The following AHNAK variants were observed in gnomAD, a reference collection of about 807,000 sequenced individuals.
AHNAK encodes AHNAK nucleoprotein, also known as neuroblast differentiation-associated protein AHNAK.
In AHNAK, 23 loss-of-function variants were observed where a neutral mutation model predicts 37.8. The observed-to-expected ratio is 0.61, with a 90% CI of 0.44 to 0.86. The LOEUF (loss-of-function observed/expected upper bound fraction) is 0.86, where lower values mean the gene tolerates loss of function less well. Ranked by LOEUF, AHNAK falls within the 40% of genes least tolerant of loss-of-function variation. The pLI is 0.00. For missense variants in AHNAK, 7,411 were observed against 7,319.4 expected (o/e 1.01, Z -0.46); for synonymous variants, 2,481 against 2,636.3 (o/e 0.94, Z 1.80).
At chr11:62,450,791 T>C (rs1938520910) in intron 5 of AHNAK, among the ~76,000 whole-genome samples, 1 of 152,266 alleles carries the variant, frequency 6.6e-6, no homozygotes, top group South Asian at 2.1e-4. Context: ...GGGACGCCTC[T>C]CTCGCCTTTG....
chr11:62,533,132 G>A lies in AHNAK; in HGVS notation c.1285C>T (p.Leu429=). 6.4e-7 allele frequency: 1 copy of A among 1,562,674 alleles called. No homozygotes were observed. The highest frequency in any genetic ancestry group is 8.6e-7 in the Non-Finnish European group (1 of 1,159,136). The change falls in exon 5 of 5, where the codon CTG becomes TTG. Residue 429 remains leucine, a synonymous_variant. Coordinates refer to ENST00000378024, the MANE Select transcript of AHNAK (RefSeq NM_001620.3). Reference sequence around the variant, plus strand: ...GGGACTTTCATCTTGGGCACATTCAGTTTGCTCCCAGGCCCCTGAACATCA... The same window carrying A: ...GGGACTTTCATCTTGGGCACATTCAATTTGCTCCCAGGCCCCTGAACATCA... ...DIDVQGPGSK[L]NVPKMKVPKF...
chr11:62,455,932 G>A (rs1324884130), intron 5 of AHNAK, among the ~76,000 whole-genome samples: 5 of 147,266 alleles, frequency 3.4e-5, no homozygotes, highest in African/African-American at 1.3e-4. Context: ...CCAGCTACTT[G>A]AGAGGCTGAG....
intron 5 of AHNAK, among the ~76,000 whole-genome samples, chr11:62,484,916 G>C (rs963653477): frequency 1.3e-5 from 2 of 151,988 alleles, no homozygotes; most frequent in Non-Finnish European, 2.9e-5. Flanking sequence ...CAGCCTCCAG[G>C]GTAGCTGGGA....
intron 1 of AHNAK, among the ~76,000 whole-genome samples, chr11:62,541,279 C>T (rs1036389550): frequency 1.3e-5 from 2 of 152,192 alleles, no homozygotes; most frequent in African/African-American, 4.8e-5. Flanking sequence ...GGCAACCCTC[C>T]GAGGGGAAGA....
rs776317596 is a variant in AHNAK at position 62,529,471 on chromosome 11, T to G, written c.4946A>C (p.Lys1649Thr). The G allele has an allele frequency of 8.1e-6, 13 of 1,614,058 alleles. No homozygotes were observed. In the African/African-American group the frequency reaches 1.6e-4, roughly 20 times the overall value. Residue 1649 changes from lysine to threonine, a missense_variant, in exon 5 of 5, where the codon AAG becomes ACG. By Grantham distance (78) the Lys-to-Thr change is moderately conservative. Transcript: ENST00000378024. ...PKFKMPEMHF[K>T]APKISMPDVD... ...ATCGGGCATGGAGATCTTGGGGGCC[T>G]TGAAATGCATCTCAGGCATCTTAAA...
In AHNAK at chr11:62,523,461, T is replaced by C. The variant is rs752863584; in HGVS notation, c.10956A>G (p.Ala3652=). 1.2e-5 allele frequency: 19 copies of C among 1,613,186 alleles called. No homozygotes were observed. The highest frequency in any genetic ancestry group is 1.4e-5 in the Non-Finnish European group (17 of 1,179,828). The change falls in exon 5 of 5, where the codon GCA becomes GCG. Residue 3652 remains alanine, a synonymous_variant. Coordinates refer to ENST00000378024, the MANE Select transcript of AHNAK (RefSeq NM_001620.3). ...TCTTGAACTTGGGGCCCTTCAGCTT[T>C]GCATCTGGACCTTCAATATTCACGT... ...VPDVNIEGPD[A]KLKGPKFKMP... is the part of the protein sequence containing the mutation.
intron 5 of AHNAK, among the ~76,000 whole-genome samples, chr11:62,470,809 G>GA (rs750419930): frequency 3.1e-4 from 45 of 144,034 alleles, no homozygotes; most frequent in Admixed American, 2.8e-4. Flanking sequence ...TTCTTTCAGG[G>GA]AAAAAAAAAA....
intron 4 of AHNAK, among the ~76,000 whole-genome samples, chr11:62,510,135 G>A (rs1043401055): frequency 6.6e-6 from 1 of 150,644 alleles, no homozygotes; most frequent in Non-Finnish European, 1.5e-5. Flanking sequence ...TCAGCTCACT[G>A]CAACCTCCAC....
intron 5 of AHNAK, among the ~76,000 whole-genome samples, chr11:62,472,817 T>G (rs796702511): frequency 1.2e-4 from 18 of 152,248 alleles, no homozygotes; most frequent in African/African-American, 3.4e-4. Flanking sequence ...CTAGGTGCAG[T>G]GACTCATGCC....
intron 5 of AHNAK, among the ~76,000 whole-genome samples, chr11:62,445,320 C>T (rs1361026319): frequency 6.6e-6 from 1 of 152,114 alleles, no homozygotes; most frequent in African/African-American, 2.4e-5. Context: ...TCATTTTAAC[C>T]TAATGTTATG....
rs1410009839 is a variant in AHNAK, at chr11:62,529,023, C to T, written c.5394G>A (p.Glu1798=). ...LNLKGPKLKG[E]IDASVPELEG... is the part of the protein sequence containing the mutation. Reference sequence around the variant, plus strand: ...CCAGTTCTGGCACAGAAGCATCTATCTCTCCCTTCAGTTTGGGTCCCTTCA... The same window carrying T: ...CCAGTTCTGGCACAGAAGCATCTATTTCTCCCTTCAGTTTGGGTCCCTTCA... Residue 1798 remains glutamate (E), a synonymous_variant, in exon 5 of 5, where the codon GAG becomes GAA. Transcript: ENST00000378024. The T allele has an allele frequency of 6.2e-7, 1 of 1,614,094 alleles. No homozygotes were observed. Among genetic ancestry groups the T allele is most frequent in the East Asian group, 2.2e-5 (1 of 44,864 alleles).
downstream of AHNAK, among the ~76,000 whole-genome samples, chr11:62,511,833 C>A (rs550256092): frequency 6.6e-6 from 1 of 151,950 alleles, no homozygotes; most frequent in East Asian, 1.9e-4. Context: ...GGACTACAGG[C>A]GAGTGCCACA....
At chr11:62,469,435 TTAAC>T (rs1227559957) in intron 5 of AHNAK, among the ~76,000 whole-genome samples, 1 of 151,704 alleles carries the variant, frequency 6.6e-6, no homozygotes, top group Non-Finnish European at 1.5e-5. Context: ...ATTAGGATCT[TTAAC>T]TAACTAAACA....
chr11:62,542,836 C>A (rs575521447), intron 1 of AHNAK, among the ~76,000 whole-genome samples: 5 of 152,332 alleles, frequency 3.3e-5, no homozygotes, highest in African/African-American at 1.2e-4. Flanking sequence ...GGGGGTGGAG[C>A]AGAACGCTTG....
chr11:62,509,616 A>C (rs561591901), intron 4 of AHNAK, among the ~76,000 whole-genome samples: 1 of 152,156 alleles, frequency 6.6e-6, no homozygotes, highest in South Asian at 2.1e-4. Flanking sequence ...TCAACAATTG[A>C]ACCCCAAAGA....
Position 62,527,516 on chromosome 11 carries a change from T to C in AHNAK, c.6901A>G (p.Lys2301Glu). ...PEGKLKGPKF[K>E]MPEMHFKTPK... The stretch of plus-strand genomic sequence containing the variant: ...GTCTTGAAGTGCATCTCAGGCATCT[T>C]AAACTTGGGGCCCTTCAGCTTCCCT... Residue 2301 changes from lysine to glutamate, a missense_variant, in exon 5 of 5, where the codon AAG becomes GAG. Coordinates refer to ENST00000378024, the MANE Select transcript of AHNAK (RefSeq NM_001620.3). 1.2e-6 allele frequency: 2 copies of C among 1,613,348 alleles called. No individual in the cohort carries two copies. Among genetic ancestry groups the C allele is most frequent in the East Asian group, 4.5e-5 (2 of 44,830 alleles).
In AHNAK at chr11:62,518,301, T is replaced by TC; in HGVS notation, c.16115dup (p.Asp5373ArgfsTer7). On this transcript the variant is annotated frameshift_variant, in exon 5 of 5. Transcript: ENST00000378024. LOFTEE classifies it high-confidence loss of function. Reference sequence around the variant, plus strand: ...TGATGTCACCAGAGACAGCCAGATCTCCCTGCAGGCTTGGTCCCCTCAGTG... The same window carrying TC: ...TGATGTCACCAGAGACAGCCAGATCTCCCCTGCAGGCTTGGTCCCCTCAGTG... 2 of 1,614,180 alleles carry TC rather than the reference T, an allele frequency of 1.2e-6. No homozygotes were observed. The highest frequency in any genetic ancestry group is 1.7e-6 in the Non-Finnish European group (2 of 1,180,030).
intron 4 of AHNAK, among the ~76,000 whole-genome samples, chr11:62,501,935 G>T (rs528480704): frequency 6.6e-6 from 1 of 152,200 alleles, no homozygotes; most frequent in African/African-American, 2.4e-5. Flanking sequence ...AGGAAGGAAG[G>T]GAAGGAGAAC....
At position 62,525,755 on chromosome 11, in the gene AHNAK, G is replaced by A; in HGVS notation, c.8662C>T (p.Pro2888Ser). 3 of 1,613,386 alleles carry A rather than the reference G, an allele frequency of 1.9e-6. No individual in the cohort carries two copies. Among genetic ancestry groups the A allele is most frequent in the Non-Finnish European group, 2.5e-6 (3 of 1,179,880 alleles). Residue 2888 changes from proline to serine, a missense_variant, in exon 5 of 5, where the codon CCA becomes TCA. Coordinates refer to ENST00000378024, the MANE Select transcript of AHNAK (RefSeq NM_001620.3). ...TTGGGCATCTTCAGGTGCCAGTCTG[G>A]ACCCTGAACATTAACATCTGGGACA... ...IDVPDVNVQG[P>S]DWHLKMPKMK...
Sources: allele counts gnomAD v4.1 joint callset (sites outside exome capture counted in the v4.1 genomes callset), GRCh38; gene constraint gnomAD v4.1.1; transcripts MANE v1.5; gene names NCBI Gene and HGNC (gene_info 2026-07-23, HGNC 2026-07-21).